EDIL3: variants seen among roughly 807,000 people sequenced by gnomAD.
The protein encoded by EDIL3 is EGF-like repeat and discoidin I-like domain-containing protein 3.
In EDIL3, 37 loss-of-function variants were observed where a neutral mutation model predicts 67.4. That is an observed-to-expected ratio of 0.55 (90% CI 0.42 to 0.72). The LOEUF (loss-of-function observed/expected upper bound fraction) is 0.72. Ranked by LOEUF, EDIL3 falls within the 30% of genes least tolerant of loss-of-function variation. EDIL3 has a pLI of 0.00. For synonymous variants in EDIL3, 195 were observed against 196.3 expected, an observed-to-expected ratio of 0.99 and a Z score of 0.05; for missense variants, 527 against 586.3, an observed-to-expected ratio of 0.90 and a Z score of 1.04.
At chr5:83,989,907 C>T (rs1745121011) in intron 9 of EDIL3, among the ~76,000 whole-genome samples, 1 of 152,152 alleles carries the variant, frequency 6.6e-6, no homozygotes, top group South Asian at 2.1e-4. Context: ...TGTGAGTGAC[C>T]TCTAGGTCTT....
chr5:83,959,015 T>C (rs898051462), intron 10 of EDIL3, among the ~76,000 whole-genome samples: 2 of 150,990 alleles, frequency 1.3e-5, no homozygotes, highest in African/African-American at 4.8e-5. Context: ...ATGTGGAAAT[T>C]AGCTAAAAAA....
intron 1 of EDIL3, among the ~76,000 whole-genome samples, chr5:84,310,978 A>G (rs1746374589): frequency 6.6e-6 from 1 of 151,892 alleles, no homozygotes; most frequent in South Asian, 2.1e-4. Context: ...AATGTATTCT[A>G]TCATGTCTGT....
intron 9 of EDIL3, among the ~76,000 whole-genome samples, chr5:83,993,992 C>G (rs1434235624): frequency 2.6e-5 from 4 of 152,178 alleles, no homozygotes; most frequent in African/African-American, 9.7e-5. Flanking sequence ...TTTTTGGCCA[C>G]TGTGGTCCCT....
At chr5:83,980,140 T>C (rs1463530362) in intron 9 of EDIL3, among the ~76,000 whole-genome samples, 2 of 152,130 alleles carry the variant, frequency 1.3e-5, no homozygotes, top group African/African-American at 2.4e-5. Context: ...TTAGTTCAAT[T>C]ACTTACAAAC....
intron 1 of EDIL3, among the ~76,000 whole-genome samples, chr5:84,264,882 C>T (rs1405967393): frequency 6.6e-6 from 1 of 152,162 alleles, no homozygotes; most frequent in Non-Finnish European, 1.5e-5. Context: ...TTCAGTGCCA[C>T]GTCCAGCTGT....
intron 1 of EDIL3, among the ~76,000 whole-genome samples, chr5:84,338,474 C>T (rs751948675): frequency 3.9e-5 from 6 of 152,144 alleles, no homozygotes; most frequent in Non-Finnish European, 7.4e-5. Context: ...AAGCTGCCTC[C>T]CTCTCTGTCT....
At chr5:84,128,655 G>C (rs1007455104) in intron 5 of EDIL3, among the ~76,000 whole-genome samples, 4 of 152,034 alleles carry the variant, frequency 2.6e-5, no homozygotes, top group African/African-American at 9.7e-5. Flanking sequence ...CTGAAAGAGT[G>C]ATATTTTCAG....
Position 84,064,727 on chromosome 5 carries a change from T to G in EDIL3, c.925A>C (p.Met309Leu). ...GACAGTTCACAGCCAAGAAGTTCCA[T>G]TCGCAAAGTGCAATGTCTTCGACAA... Reference protein sequence around the residue: ...QVCRRHCTLRMELLGCELSGC... With the variant: ...QVCRRHCTLRLELLGCELSGC... The change falls in exon 8 of 11, where the codon ATG becomes CTG. Residue 309 changes from methionine (M) to leucine (L), a missense_variant. Coordinates refer to ENST00000296591, the MANE Select transcript of EDIL3 (RefSeq NM_005711.5). The G allele has an allele frequency of 6.2e-7, 1 of 1,613,236 alleles. No individual in the cohort carries two copies. The highest frequency in any genetic ancestry group is 8.5e-7 in the Non-Finnish European group (1 of 1,179,444).
chr5:84,298,695 T>C (rs1746097240), intron 1 of EDIL3, among the ~76,000 whole-genome samples: 1 of 152,178 alleles, frequency 6.6e-6, no homozygotes, highest in Admixed American at 6.5e-5. Context: ...GCTAGATTAC[T>C]ACAGGGAAAC....
chr5:84,358,978 G>T (rs1394724969), intron 1 of EDIL3, among the ~76,000 whole-genome samples: 3 of 152,006 alleles, frequency 2.0e-5, no homozygotes, highest in African/African-American at 7.2e-5. Context: ...GGTACATTTG[G>T]GGGGAAGAAA....
In EDIL3 at chr5:84,106,670, A is replaced by G; in HGVS notation, c.630T>C (p.Asn210=). ...TTACCTGAATCCACGGCCATCTGTC[A>G]TTTTCTGCAGCTGTCCACGCATTTA... ...GLINAWTAAE[N]DRWPWIQINL... Residue 210 remains asparagine (N), a synonymous_variant, in exon 6 of 11, where the codon AAT becomes AAC. Transcript: ENST00000296591. 6.2e-7 allele frequency: 1 copy of G among 1,606,550 alleles called. No homozygotes were observed. The highest frequency in any genetic ancestry group is 8.5e-7 in the Non-Finnish European group (1 of 1,177,408).
chr5:84,067,007 T>C (rs953029130), intron 6 of EDIL3, among the ~76,000 whole-genome samples: 2 of 152,172 alleles, frequency 1.3e-5, no homozygotes, highest in Non-Finnish European at 2.9e-5. Context: ...TATAAACTGA[T>C]TTAAGCTTCT....
At chr5:84,198,155 T>C (rs2112375089) in intron 3 of EDIL3, among the ~76,000 whole-genome samples, 1 of 152,164 alleles carries the variant, frequency 6.6e-6, no homozygotes, top group South Asian at 2.1e-4. Context: ...CTCTGCATAA[T>C]GTGGCATTTC....
Position 84,155,396 on chromosome 5 carries a change from G to A in EDIL3, c.356-18042C>T, listed in dbSNP as rs12655286. The stretch of plus-strand genomic sequence containing the variant: ...ACCTGTTACATCTCTTAGGGGATTT[G>A]GCATTTTTTCTATATCCAGATTTTA... On this transcript the variant is annotated intron_variant, in intron 4 of 10. Transcript: ENST00000296591. Among the ~76,000 whole-genome samples the A allele has an allele frequency of 4.7e-4, 71 of 152,160 alleles. No homozygotes were observed. In the East Asian group the frequency reaches 0.013, roughly 28 times the overall value.
At chr5:84,063,128 C>A (rs1746574083) in intron 8 of EDIL3, among the ~76,000 whole-genome samples, 2 of 152,042 alleles carry the variant, frequency 1.3e-5, no homozygotes, top group Admixed American at 1.3e-4. Context: ...ATATTCACAT[C>A]TTAGGGGTGT....
At chr5:84,165,128 T>G (rs754211312) in intron 4 of EDIL3, among the ~76,000 whole-genome samples, 2 of 152,144 alleles carry the variant, frequency 1.3e-5, no homozygotes, top group Admixed American at 6.6e-5. Flanking sequence ...AGGTTCAGAT[T>G]GTGAAGCTGG....
At chr5:83,975,913 T>C (rs1744869657) in intron 9 of EDIL3, among the ~76,000 whole-genome samples, 2 of 151,926 alleles carry the variant, frequency 1.3e-5, no homozygotes, top group African/African-American at 4.8e-5. Context: ...TTCTGGCTTA[T>C]TGTATTAAAA....
chr5:84,034,541 G>A (rs1195505206), intron 9 of EDIL3, among the ~76,000 whole-genome samples: 6 of 152,012 alleles, frequency 3.9e-5, no homozygotes, highest in African/African-American at 1.4e-4. Context: ...ATCTGTCTTC[G>A]ACCCATCTTA....
intron 4 of EDIL3, among the ~76,000 whole-genome samples, chr5:84,147,873 A>C (rs1392463505): frequency 6.6e-6 from 1 of 152,144 alleles, no homozygotes; most frequent in Non-Finnish European, 1.5e-5. Flanking sequence ...ATTTCTTAAA[A>C]GGAACCTAAT....
Sources: allele counts gnomAD v4.1 joint callset (sites outside exome capture counted in the v4.1 genomes callset), GRCh38; gene constraint gnomAD v4.1.1; transcripts MANE v1.5; gene names NCBI Gene and HGNC (gene_info 2026-07-23, HGNC 2026-07-21).